ANKS1B: variants seen among roughly 807,000 people sequenced by gnomAD.
ANKS1B encodes the protein ankyrin repeat and sterile alpha motif domain containing 1B, also known as ankyrin repeat and sterile alpha motif domain-containing protein 1B.
Under a neutral mutation model 148.3 loss-of-function variants are expected in ANKS1B, and 36 were observed. The observed-to-expected ratio is 0.24, with a 90% confidence interval of 0.19 to 0.32. ANKS1B has a LOEUF of 0.32. ANKS1B is among the 10% of genes least tolerant of loss of function. The probability of loss-of-function intolerance (pLI) is 1.00; values close to 1 mark genes in which losing one functional copy is unlikely to be tolerated. For missense variants in ANKS1B, 1,157 were observed against 1,542.6 expected (o/e 0.75, Z 4.19); for synonymous variants, 542 against 560.8 (o/e 0.97, Z 0.47).
intron 17 of ANKS1B, among the ~76,000 whole-genome samples, chr12:98,846,316 TC>T (rs1259912693): frequency 6.6e-6 from 1 of 152,212 alleles, no homozygotes; most frequent in Non-Finnish European, 1.5e-5. Flanking sequence ...ATCCAAAAGT[TC>T]CAGTTAATGA....
rs940632865 is a variant in ANKS1B, at chr12:99,798,616, G to T, written c.669+7788C>A. Among the ~76,000 whole-genome samples the T allele has an allele frequency of 2.6e-5, 4 of 151,858 alleles. No homozygotes were observed. The East Asian group carries it at 7.7e-4, about 29-fold the overall frequency. On this transcript the variant is annotated intron_variant, in intron 4 of 26. Transcript: ENST00000683438. ...ATACAATGTGTCCAGAGAAGAGAGT[G>T]CCAAAGAATAAAGGACCTAGAAAAA...
intron 15 of ANKS1B, among the ~76,000 whole-genome samples, chr12:99,111,243 C>A (rs562905399): frequency 6.6e-6 from 1 of 152,178 alleles, no homozygotes; most frequent in African/African-American, 2.4e-5. Context: ...TTAAAAATTC[C>A]ATTTTCTAAT....
intron 15 of ANKS1B, among the ~76,000 whole-genome samples, chr12:99,123,284 G>C (rs757934732): frequency 2.6e-5 from 4 of 152,040 alleles, no homozygotes; most frequent in Non-Finnish European, 4.4e-5. Flanking sequence ...TTAGAGCAGA[G>C]ATTTCGATGA....
intron 10 of ANKS1B, among the ~76,000 whole-genome samples, chr12:99,491,314 A>G (rs1675231911): frequency 6.6e-6 from 1 of 152,172 alleles, no homozygotes; most frequent in Non-Finnish European, 1.5e-5. Context: ...CAGAAAAAAA[A>G]AAAAGCTTAA....
intron 4 of ANKS1B, among the ~76,000 whole-genome samples, chr12:99,791,913 CAT>C (rs2065702901): frequency 7.2e-6 from 1 of 139,402 alleles, no homozygotes; most frequent in African/African-American, 2.6e-5. Flanking sequence ...TCAGAGCAGA[CAT>C]AAATGAATTT....
rs1566380363 is a variant in ANKS1B, at chr12:99,139,446, T to TTCTTTCTC, written c.2526+14842_2526+14843insGAGAAAGA. Among the ~76,000 whole-genome samples, 40 of 68,988 alleles carry TTCTTTCTC rather than the reference T, an allele frequency of 5.8e-4. 10 individuals are homozygous for TTCTTTCTC. Among genetic ancestry groups the TTCTTTCTC allele is most frequent in the African/African-American group, 3.1e-3 (38 of 12,222 alleles). 45.3% of individuals were successfully genotyped at this position (68,988 alleles called of 152,430 possible). A position where few individuals can be genotyped will look rare whatever the true frequency, so the allele number is the denominator to read the frequency against. ...TCTTTCTTTCTTTCTTTCTTTTTCT[T>TTCTTTCTC]TCTTTCTTTCTTTCAAGATAGGAGT... On this transcript the variant is annotated intron_variant, in intron 15 of 26. Transcript: ENST00000683438.
intron 9 of ANKS1B, among the ~76,000 whole-genome samples, chr12:99,575,676 C>T (rs954404937): frequency 2.0e-5 from 3 of 151,996 alleles, no homozygotes; most frequent in Non-Finnish European, 4.4e-5. Flanking sequence ...AAAACACCCC[C>T]ATGATTCAGT....
chr12:99,567,147 G>C (rs1201067160), intron 9 of ANKS1B, among the ~76,000 whole-genome samples: 1 of 152,112 alleles, frequency 6.6e-6, no homozygotes, highest in Non-Finnish European at 1.5e-5. Context: ...GGTTTACTCA[G>C]GTCATTGGAA....
chr12:99,344,639 C>T (rs1484159661), intron 12 of ANKS1B, among the ~76,000 whole-genome samples: 1 of 151,988 alleles, frequency 6.6e-6, no homozygotes, highest in Non-Finnish European at 1.5e-5. Context: ...TTTTGGGCAA[C>T]AAATACATGA....
chr12:98,758,928 G>A (rs2098332363), intron 25 of ANKS1B, among the ~76,000 whole-genome samples: 2 of 148,840 alleles, frequency 1.3e-5, no homozygotes, highest in South Asian at 2.1e-4. Context: ...TTATAGGCGT[G>A]CACGCCTGGC....
intron 14 of ANKS1B, among the ~76,000 whole-genome samples, chr12:99,193,146 T>TA (rs2080953756): frequency 6.6e-6 from 1 of 152,334 alleles, no homozygotes; most frequent in African/African-American, 2.4e-5. Context: ...ACCTTTAATA[T>TA]GCTTATTCCT....
intron 9 of ANKS1B, among the ~76,000 whole-genome samples, chr12:98,737,375 A>ATTCT (rs2153349129): frequency 6.6e-6 from 1 of 152,310 alleles, no homozygotes; most frequent in South Asian, 2.1e-4. Context: ...TGTTTCACAA[A>ATTCT]TTCTTTAAGA....
At chr12:98,952,262 G>A (rs1013129515) in intron 17 of ANKS1B, among the ~76,000 whole-genome samples, 1 of 152,174 alleles carries the variant, frequency 6.6e-6, no homozygotes, top group African/African-American at 2.4e-5. Flanking sequence ...GAGGTGAGAG[G>A]TTAAAGTGGG....
At chr12:99,405,667 G>A (rs2094515694) in intron 11 of ANKS1B, among the ~76,000 whole-genome samples, 1 of 144,000 alleles carries the variant, frequency 6.9e-6, no homozygotes, top group African/African-American at 2.6e-5. Flanking sequence ...ATAACACAAT[G>A]GCAGGATAAG....
At chr12:98,794,921 A>G in intron 22 of ANKS1B, 2 of 1,418,514 alleles carry the variant, frequency 1.4e-6, no homozygotes, top group Non-Finnish European at 2.0e-6. Context: ...TTGGAAGAGA[A>G]AATGGCACAG....
chr12:99,395,131 A>G (rs1327343857), intron 12 of ANKS1B, among the ~76,000 whole-genome samples: 1 of 152,106 alleles, frequency 6.6e-6, no homozygotes, highest in East Asian at 1.9e-4. Flanking sequence ...CTGTGATCTT[A>G]GCTGCTTTCC....
chr12:99,526,587 G>A (rs949181987), intron 9 of ANKS1B, among the ~76,000 whole-genome samples: 3 of 152,036 alleles, frequency 2.0e-5, no homozygotes, highest in African/African-American at 4.8e-5. Context: ...AATGGGTGTC[G>A]GGATAGCATC....
intron 17 of ANKS1B, among the ~76,000 whole-genome samples, chr12:98,945,799 G>T (rs1027633243): frequency 6.6e-6 from 1 of 152,156 alleles, no homozygotes; most frequent in Non-Finnish European, 1.5e-5. Flanking sequence ...CTCAAGCAAG[G>T]CCAATAAATC....
In ANKS1B at chr12:99,213,799, A is replaced by G. The variant is rs141029032; in HGVS notation, c.2419+30543T>C. On this transcript the variant is annotated intron_variant, in intron 14 of 26. Transcript: ENST00000683438. ...CATTATTTGCCAAATAGCAGTCATC[A>G]TAGTTGTTTCTGCCTTCACCTGAGT... Among the ~76,000 whole-genome samples the G allele has an allele frequency of 4.1e-4, 62 of 152,366 alleles. 1 individual carries two copies. In the East Asian group the frequency reaches 0.011, roughly 28 times the overall value.
Sources: gnomAD v4.1 joint callset for allele counts (sites outside exome capture counted in the v4.1 genomes callset) on GRCh38, gnomAD v4.1.1 for gene constraint, MANE v1.5 for transcripts, NCBI Gene and HGNC (gene_info 2026-07-23, HGNC 2026-07-21) for gene names.